Variants in CNOT4 observed in about 807,000 individuals in gnomAD.
The protein encoded by CNOT4 is CCR4-associated factor 4.
A neutral mutation model predicts 73.8 loss-of-function variants in CNOT4; 8 were observed. That is an observed-to-expected ratio of 0.11 (90% CI 0.06 to 0.20). The LOEUF (loss-of-function observed/expected upper bound fraction) is 0.20. Ranked by LOEUF, CNOT4 falls within the 10% of genes least tolerant of loss-of-function variation. The pLI is 1.00. For synonymous variants in CNOT4, 293 were observed against 321.1 expected (o/e 0.91, Z 0.94); for missense variants, 564 against 883.4 (o/e 0.64, Z 4.58).
chr7:135,507,383 G>A (rs1323237180), intron 1 of CNOT4, among the ~76,000 whole-genome samples: 1 of 152,090 alleles, frequency 6.6e-6, no homozygotes, highest in Non-Finnish European at 1.5e-5. Flanking sequence ...TGTTCATAAC[G>A]TTAGATCAAA....
chr7:135,381,585 C>A (rs1330425896), intron 10 of CNOT4, among the ~76,000 whole-genome samples: 1 of 152,184 alleles, frequency 6.6e-6, no homozygotes, highest in East Asian at 1.9e-4. Context: ...AAAGGTTTAA[C>A]ATTTGCCTTT....
chr7:135,451,048 T>G (rs188072211), intron 1 of CNOT4, among the ~76,000 whole-genome samples: 63 of 152,314 alleles, frequency 4.1e-4, no homozygotes, highest in African/African-American at 1.5e-3. Flanking sequence ...TCCTCTATGA[T>G]CTACTAACCC....
At chr7:135,404,607 T>C (rs1797180020) in intron 7 of CNOT4, among the ~76,000 whole-genome samples, 1 of 152,134 alleles carries the variant, frequency 6.6e-6, no homozygotes, top group Admixed American at 6.6e-5. Flanking sequence ...CAAATAATTA[T>C]GAGAATGGAA....
intron 6 of CNOT4, among the ~76,000 whole-genome samples, chr7:135,412,371 T>C (rs560020061): frequency 6.6e-6 from 1 of 152,048 alleles, no homozygotes; most frequent in East Asian, 1.9e-4. Flanking sequence ...CAGAAATTGA[T>C]AGGAAATATG....
intron 1 of CNOT4, among the ~76,000 whole-genome samples, chr7:135,472,542 T>A (rs544573196): frequency 2.8e-5 from 2 of 71,140 alleles, no homozygotes; most frequent in African/African-American, 1.3e-4. Context: ...TATATATATA[T>A]ATATATATAT....
intron 1 of CNOT4, among the ~76,000 whole-genome samples, chr7:135,458,641 A>C (rs1198977166): frequency 6.6e-6 from 1 of 152,108 alleles, no homozygotes; most frequent in African/African-American, 2.4e-5. Flanking sequence ...TCATTTCAAC[A>C]ATATTCACAG....
rs182624071 is a variant in CNOT4, at chr7:135,384,070, T to A, written c.1627+9848A>T. On this transcript the variant is annotated intron_variant, in intron 10 of 11. Coordinates refer to ENST00000541284, the MANE Select transcript of CNOT4 (RefSeq NM_001190850.2). Reference sequence around the variant, plus strand: ...TCTTTACACAGCAACTAAGCAACTATTTACAATGCATTTCTGGGCTTATTC... The same window carrying A: ...TCTTTACACAGCAACTAAGCAACTAATTACAATGCATTTCTGGGCTTATTC... Among the ~76,000 whole-genome samples, 107 of 152,324 alleles carry A rather than the reference T, an allele frequency of 7.0e-4. 1 individual carries two copies. Among genetic ancestry groups the A allele is most frequent in the Admixed American group, 2.5e-3 (39 of 15,302 alleles).
chr7:135,498,264 C>T (rs1393113994), intron 1 of CNOT4, among the ~76,000 whole-genome samples: 1 of 152,132 alleles, frequency 6.6e-6, no homozygotes, highest in African/African-American at 2.4e-5. Flanking sequence ...ATAATTAATC[C>T]TTTACTCCAA....
At position 135,425,589 on chromosome 7, in the gene CNOT4, A is replaced by G. The variant is rs555860559; in HGVS notation, c.175-3236T>C. Among the ~76,000 whole-genome samples the G allele has an allele frequency of 3.3e-5, 5 of 152,364 alleles. No homozygotes were observed. The South Asian group carries it at 1.0e-3, about 32-fold the overall frequency. On this transcript the variant is annotated intron_variant, in intron 2 of 11. Transcript: ENST00000541284. ...ATAACTGCTACATAATACAAAAGAT[A>G]CAAACACAGAAGAACATGAGACAGA...
chr7:135,384,044 A>G (rs1046330347), intron 10 of CNOT4, among the ~76,000 whole-genome samples: 5 of 152,190 alleles, frequency 3.3e-5, no homozygotes, highest in Admixed American at 2.0e-4. Flanking sequence ...GCTGACTCTT[A>G]TCTTTACACA....
intron 1 of CNOT4, 37 bp downstream of exon 1, chr7:135,509,852 C>T (rs1804631808): frequency 2.5e-6 from 1 of 393,280 alleles, no homozygotes; most frequent in East Asian, 3.6e-5. Context: ...CCGGTCAGCC[C>T]CGGGTTTCCC....
In CNOT4 at chr7:135,414,390, C is replaced by T; in HGVS notation, c.502G>A (p.Asp168Asn). The change falls in exon 5 of 12, where the codon GAC (aspartate) becomes AAC (asparagine). Residue 168 changes from aspartate (D) to asparagine (N), a missense_variant. Physicochemically the swap from Asp to Asn is conservative, Grantham distance 23. This residue lies in a region of CNOT4 where 25 missense variants were observed against 25.1 expected (regional missense o/e 1.00). Coordinates refer to ENST00000541284, the MANE Select transcript of CNOT4 (RefSeq NM_001190850.2). ...SAYVTYIRSEDALRAIQCVNN... is the reference protein window; with the variant it reads ...SAYVTYIRSENALRAIQCVNN... ...ACACACTGTATGGCTCTGAGAGCGT[C>T]TTCTGACCGGATATAGGTTACATAA... 1 of 1,568,232 alleles carries T rather than the reference C, an allele frequency of 6.4e-7. No individual in the cohort carries two copies. The highest frequency in any genetic ancestry group is 8.8e-7 in the Non-Finnish European group (1 of 1,139,698).
chr7:135,489,791 T>C (rs1356028306), intron 1 of CNOT4, among the ~76,000 whole-genome samples: 1 of 152,128 alleles, frequency 6.6e-6, no homozygotes, highest in Non-Finnish European at 1.5e-5. Flanking sequence ...AAAACAGGAA[T>C]ATATCTACCT....
Position 135,422,231 on chromosome 7 carries a change from A to G in CNOT4, c.297T>C (p.His99=), listed in dbSNP as rs1436593699. The part of the protein sequence containing the change: ...RKQKISENRK[H]LASVRVVQKN... The stretch of plus-strand genomic sequence containing the variant: ...TTTGTACGACACGTACACTAGCCAA[A>G]TGTTTGCGATTTTCTGATATTTTCT... The change falls in exon 3 of 12, where the codon CAT becomes CAC. Residue 99 remains histidine, a synonymous_variant. Coordinates refer to ENST00000541284, the MANE Select transcript of CNOT4 (RefSeq NM_001190850.2). The G allele has an allele frequency of 1.2e-6, 2 of 1,610,146 alleles. No homozygotes were observed. Among genetic ancestry groups the G allele is most frequent in the African/African-American group, 2.7e-5 (2 of 74,836 alleles).
chr7:135,362,570 T>C lies in CNOT4; in HGVS notation c.*315A>G, dbSNP rs571867837. 117 of 466,974 alleles carry C rather than the reference T, an allele frequency of 2.5e-4. 3 individuals are homozygous for C. The highest frequency in any genetic ancestry group is 2.5e-3 in the South Asian group (117 of 47,196). The allele number at this position is 466,974 out of a possible 1,614,324, so 28.9% of individuals were successfully genotyped here. ...TGCTAAGCAGATTATGTCATTATTA[T>C]GCGCAACAGACAAACAATAATTTTC... On this transcript the variant is annotated 3_prime_UTR_variant, in exon 12 of 12. Coordinates refer to ENST00000541284, the MANE Select transcript of CNOT4 (RefSeq NM_001190850.2).
intron 10 of CNOT4, among the ~76,000 whole-genome samples, chr7:135,376,872 T>A (rs555137199): frequency 6.8e-4 from 103 of 152,356 alleles, no homozygotes; most frequent in South Asian, 1.9e-3. Flanking sequence ...AATCTGGTTA[T>A]GAGCTTCATT....
chr7:135,465,685 G>A (rs1397002150), intron 1 of CNOT4, among the ~76,000 whole-genome samples: 1 of 151,724 alleles, frequency 6.6e-6, no homozygotes, highest in Non-Finnish European at 1.5e-5. Flanking sequence ...TGATGATCCT[G>A]ACCCTGTTTA....
chr7:135,413,908 G>A (rs766253602), intron 5 of CNOT4, among the ~76,000 whole-genome samples: 52 of 152,072 alleles, frequency 3.4e-4, no homozygotes, highest in Non-Finnish European at 6.2e-4. Context: ...TCCATGTTAT[G>A]AGTGGTTAGA....
At chr7:135,421,850 T>C (rs1254128793) in intron 3 of CNOT4, among the ~76,000 whole-genome samples, 1 of 152,216 alleles carries the variant, frequency 6.6e-6, no homozygotes, top group Non-Finnish European at 1.5e-5. Flanking sequence ...TCATATCACA[T>C]GTTAGCCTTA....
Sources: allele counts gnomAD v4.1 joint callset (sites outside exome capture counted in the v4.1 genomes callset), GRCh38; gene constraint gnomAD v4.1.1; regional missense constraint gnomAD v4.1.1; transcripts MANE v1.5; gene names NCBI Gene and HGNC (gene_info 2026-07-23, HGNC 2026-07-21).